Variants in GFPT1 observed in about 807,000 individuals in gnomAD.
The protein encoded by GFPT1 is glutamine--fructose-6-phosphate aminotransferase [isomerizing] 1.
In GFPT1, 40 loss-of-function variants were observed where a neutral mutation model predicts 92.0. That is an observed-to-expected ratio of 0.43 (90% CI 0.34 to 0.57). The LOEUF (loss-of-function observed/expected upper bound fraction) is 0.57. GFPT1 is among the 20% of genes least tolerant of loss of function. The probability of loss-of-function intolerance (pLI) is 0.02; values close to 1 mark genes in which losing one functional copy is unlikely to be tolerated. For missense variants in GFPT1, 448 were observed against 869.1 expected, an observed-to-expected ratio of 0.52 and a Z score of 6.09; for synonymous variants, 269 against 280.6, an observed-to-expected ratio of 0.96 and a Z score of 0.41.
At chr2:69,369,246 G>GAA (rs1003017470) in intron 3 of GFPT1, among the ~76,000 whole-genome samples, 1 of 147,286 alleles carries the variant, frequency 6.8e-6, no homozygotes, top group South Asian at 2.1e-4. Flanking sequence ...GCTTATGTGG[G>GAA]AAAAAAAAAA....
intron 4 of GFPT1, among the ~76,000 whole-genome samples, chr2:69,360,145 T>C (rs1227715615): frequency 6.6e-6 from 1 of 152,046 alleles, no homozygotes; most frequent in Non-Finnish European, 1.5e-5. Context: ...CTGTTCAACA[T>C]GGCGAAACCC....
chr2:69,377,013 A>C (rs1004988737), intron 1 of GFPT1, among the ~76,000 whole-genome samples: 6 of 152,062 alleles, frequency 3.9e-5, no homozygotes, highest in Admixed American at 1.3e-4. Context: ...GTTCAAGACC[A>C]GCCTGGGCAA....
intron 4 of GFPT1, among the ~76,000 whole-genome samples, chr2:69,360,442 A>ACT (rs1553391774): frequency 6.9e-6 from 1 of 144,262 alleles, no homozygotes; most frequent in Non-Finnish European, 1.5e-5. Context: ...TTATCAAAAT[A>ACT]TTTTTTTTTT....
chr2:69,373,598 G>A (rs2104687435), intron 2 of GFPT1, among the ~76,000 whole-genome samples: 1 of 152,234 alleles, frequency 6.6e-6, no homozygotes, highest in South Asian at 2.1e-4. Context: ...CAGCTGGGGT[G>A]ACAGAGTGAG....
chr2:69,332,251 A>G (rs910088996), intron 15 of GFPT1, among the ~76,000 whole-genome samples: 5 of 151,230 alleles, frequency 3.3e-5, no homozygotes, highest in African/African-American at 7.3e-5. Context: ...CTTTGGCCAC[A>G]CACTCTAAAT....
rs181494514 is a variant in GFPT1, at chr2:69,384,650, T to C, written c.7+2415A>G. 5.4e-3 allele frequency among the ~76,000 whole-genome samples: 704 copies of C among 130,874 alleles called. 5 individuals carry two copies. The highest frequency in any genetic ancestry group is 8.6e-3 in the Non-Finnish European group (560 of 65,168). The allele number at this position is 130,874 out of a possible 152,430, so 85.9% of individuals were successfully genotyped here. A position where few individuals can be genotyped will look rare whatever the true frequency, so the allele number is the denominator to read the frequency against. On this transcript the variant is annotated intron_variant, in intron 1 of 19. Transcript: ENST00000357308. ...CAGAGGCTGCAGTGAGCCAAGATCA[T>C]GCCGCTGCACTCCAGCCTGGGCGAC...
chr2:69,342,191 A>T lies in GFPT1; in HGVS notation c.1164T>A (p.Ile388=). Reference sequence around the variant, plus strand: ...GGTAACTTGTTCCACAAGCAATAAGAATCAAACGCCGGCATCTCTGGATCT... The same window carrying T: ...GGTAACTTGTTCCACAAGCAATAAGTATCAAACGCCGGCATCTCTGGATCT... The part of the protein sequence containing the change: ...IKEIQRCRRL[I]LIACGTSYHA... Residue 388 remains isoleucine, a synonymous_variant, in exon 13 of 20, where the codon ATT becomes ATA. Transcript: ENST00000357308. 1 of 1,611,894 alleles carries T rather than the reference A, an allele frequency of 6.2e-7. No individual in the cohort carries two copies. The highest frequency in any genetic ancestry group is 8.5e-7 in the Non-Finnish European group (1 of 1,178,194).
chr2:69,328,938 A>G (rs1670596228), intron 17 of GFPT1, among the ~76,000 whole-genome samples: 1 of 152,110 alleles, frequency 6.6e-6, no homozygotes, highest in African/African-American at 2.4e-5. Flanking sequence ...TCTGACTTCA[A>G]GTTTGATCTA....
At chr2:69,337,766 ACTG>A (rs748357571) in intron 15 of GFPT1, 129 bp downstream of exon 15, 3 of 790,786 alleles carry the variant, frequency 3.8e-6, no homozygotes, top group South Asian at 1.4e-5. Context: ...GAGTTCTATA[ACTG>A]CTAACAAAAA....
At chr2:69,372,125 G>A (rs1214004228) in intron 2 of GFPT1, among the ~76,000 whole-genome samples, 2 of 150,858 alleles carry the variant, frequency 1.3e-5, no homozygotes, top group East Asian at 1.9e-4. Flanking sequence ...GCTTGAACTC[G>A]GGAGGTGGAG....
chr2:69,352,441 C>T (rs531180027), intron 9 of GFPT1, among the ~76,000 whole-genome samples: 1 of 151,214 alleles, frequency 6.6e-6, no homozygotes, highest in East Asian at 2.0e-4. Context: ...CCTGAAACCC[C>T]GTCTCTACTA....
At chr2:69,386,609 C>T (rs1672134045) in intron 1 of GFPT1, among the ~76,000 whole-genome samples, 1 of 152,110 alleles carries the variant, frequency 6.6e-6, no homozygotes, top group Non-Finnish European at 1.5e-5. Context: ...ATTGGGCCTC[C>T]CCAGAAACAA....
intron 4 of GFPT1, among the ~76,000 whole-genome samples, chr2:69,363,219 T>C (rs1671519206): frequency 6.6e-6 from 1 of 152,160 alleles, no homozygotes; most frequent in Non-Finnish European, 1.5e-5. Context: ...TCCTCCCACC[T>C]CAGTCTCCCG....
At chr2:69,354,454 T>G (rs749954313) in intron 8 of GFPT1, 35 bp downstream of exon 8, 8 of 1,341,492 alleles carry the variant, frequency 6.0e-6, no homozygotes, top group Non-Finnish European at 6.4e-6. Context: ...TAATTCTTCA[T>G]ATCTACTGCA....
chr2:69,362,164 C>A (rs920097218), intron 4 of GFPT1, among the ~76,000 whole-genome samples: 5 of 152,168 alleles, frequency 3.3e-5, no homozygotes, highest in African/African-American at 1.2e-4. Flanking sequence ...CAGTCTCACT[C>A]TGTCACCCAG....
At chr2:69,375,224 C>T (rs771616272) in intron 1 of GFPT1, among the ~76,000 whole-genome samples, 1 of 150,032 alleles carries the variant, frequency 6.7e-6, no homozygotes, top group African/African-American at 2.5e-5. Flanking sequence ...ATAAAATATA[C>T]AAAAATACAA....
At chr2:69,353,767 C>T (rs1317290027) in intron 9 of GFPT1, among the ~76,000 whole-genome samples, 3 of 152,268 alleles carry the variant, frequency 2.0e-5, no homozygotes, top group South Asian at 2.1e-4. Context: ...AAACTTTACA[C>T]ATAAACAATA....
chr2:69,374,378 A>T (rs571045644), intron 1 of GFPT1, among the ~76,000 whole-genome samples: 1 of 151,558 alleles, frequency 6.6e-6, no homozygotes, highest in East Asian at 1.9e-4. Flanking sequence ...CAGCAGCACG[A>T]TCTCGGCTCA....
At chr2:69,354,069 T>C (rs932056030) in intron 9 of GFPT1, among the ~76,000 whole-genome samples, 190 bp downstream of exon 9, 2 of 152,232 alleles carry the variant, frequency 1.3e-5, no homozygotes, top group African/African-American at 2.4e-5. Context: ...TAAAAGCACT[T>C]TCTAAATGCC....
Sources: gnomAD v4.1 joint callset for allele counts (sites outside exome capture counted in the v4.1 genomes callset) on GRCh38, gnomAD v4.1.1 for gene constraint, MANE v1.5 for transcripts, NCBI Gene and HGNC (gene_info 2026-07-23, HGNC 2026-07-21) for gene names.